POLK: variants seen among roughly 807,000 people sequenced by gnomAD.
The protein encoded by POLK is polymerase (DNA directed) kappa.
Under a neutral mutation model 94.0 loss-of-function variants are expected in POLK, and 76 were observed. The observed-to-expected ratio is 0.81, with a 90% CI of 0.67 to 0.98. The LOEUF (loss-of-function observed/expected upper bound fraction) is 0.98. Ranked by LOEUF, POLK falls within the 50% of genes least tolerant of loss-of-function variation. The pLI, the probability that POLK is intolerant of heterozygous loss-of-function variation, is 0.00. For synonymous variants in POLK, 349 were observed against 325.4 expected (o/e 1.07, Z -0.78); for missense variants, 954 against 1,010.1 (o/e 0.94, Z 0.75).
chr5:75,607,319 G>T, the POLK span, among the ~76,000 whole-genome samples: 42 of 152,094 alleles, frequency 2.8e-4, 1 homozygote, highest in African/African-American at 9.6e-4. Flanking sequence ...ATACAAAAAA[G>T]TAGCTGGGCG....
Sources: gnomAD v4.1 joint callset for allele counts (sites outside exome capture counted in the v4.1 genomes callset) on GRCh38, gnomAD v4.1.1 for gene constraint, MANE v1.5 for transcripts, NCBI Gene and HGNC (gene_info 2026-07-23, HGNC 2026-07-21) for gene names.